The following PAPOLA variants were observed in gnomAD, a reference collection of about 807,000 sequenced individuals.
The protein encoded by PAPOLA is polynucleotide adenylyltransferase alpha.
Under a neutral mutation model 100.6 loss-of-function variants are expected in PAPOLA, and 15 were observed. That is an observed-to-expected ratio of 0.15 (90% CI 0.10 to 0.23). The LOEUF is 0.23. Ranked by LOEUF, PAPOLA falls within the 10% of genes least tolerant of loss-of-function variation. The pLI is 1.00. For synonymous variants in PAPOLA, 293 were observed against 300.0 expected (o/e 0.98, Z 0.24); for missense variants, 533 against 884.2 (o/e 0.60, Z 5.04).
chr14:96,507,152 T>G (rs2140221041), intron 1 of PAPOLA, among the ~76,000 whole-genome samples: 1 of 152,320 alleles, frequency 6.6e-6, no homozygotes, highest in African/African-American at 2.4e-5. Flanking sequence ...CTAGAACAAT[T>G]TATTGCAACA....
rs764874250 is a variant in PAPOLA, at chr14:96,528,012, G to C, written c.495+6G>C. On this transcript the variant is annotated splice_donor_region_variant and intron_variant, in intron 6 of 21. Transcript: ENST00000216277. ...TCTGTTTTGATGGGATAGAGGTAAG[G>C]TATAGTTCAAATTGACAGTTCTTGC... 3 of 1,580,512 alleles carry C rather than the reference G, an allele frequency of 1.9e-6. No individual in the cohort carries two copies. The highest frequency in any genetic ancestry group is 2.6e-6 in the Non-Finnish European group (3 of 1,149,628).
At chr14:96,511,901 G>A (rs753800435) in intron 1 of PAPOLA, among the ~76,000 whole-genome samples, 12 of 152,190 alleles carry the variant, frequency 7.9e-5, no homozygotes, top group Non-Finnish European at 1.8e-4. Context: ...TAGCCACAGA[G>A]TATTGCACTA....
At chr14:96,534,001 TGG>T in intron 9 of PAPOLA, 2 of 986,706 alleles carry the variant, frequency 2.0e-6, no homozygotes, top group Non-Finnish European at 2.4e-6. Flanking sequence ...TATGAAAATG[TGG>T]TTATGCCACC....
Position 96,502,764 on chromosome 14 carries a change from G to C in PAPOLA, c.8+164G>C, listed in dbSNP as rs961303085. 6.3e-6 allele frequency: 4 copies of C among 636,710 alleles called. No individual in the cohort carries two copies. In the African/African-American group the frequency reaches 1.7e-4, roughly 27 times the overall value. 39.4% of individuals were successfully genotyped at this position (636,710 alleles called of 1,614,324 possible). On this transcript the variant is annotated intron_variant, in intron 1 of 21. Transcript: ENST00000216277. ...CTTCCTGTTTCCTCGCTCGCTCGCC[G>C]CCGCACTTCCCCCCGTGTGCTGGGT...
intron 7 of PAPOLA, chr14:96,532,023 TCCG>T (rs1899061468): frequency 1.9e-5 from 24 of 1,251,782 alleles, no homozygotes; most frequent in Non-Finnish European, 2.2e-5. Flanking sequence ...GATTAAGTCT[TCCG>T]CAGTATATGT....
chr14:96,539,384 A>G (rs932878821), intron 12 of PAPOLA, among the ~76,000 whole-genome samples: 5 of 152,118 alleles, frequency 3.3e-5, no homozygotes, highest in African/African-American at 1.2e-4. Flanking sequence ...TTTATTGTAC[A>G]TCTGAGTTAT....
chr14:96,565,307 T>G lies in PAPOLA; in HGVS notation c.*257T>G, dbSNP rs1902185952. 5.2e-6 allele frequency: 2 copies of G among 387,354 alleles called. No individual in the cohort carries two copies. Among genetic ancestry groups the G allele is most frequent in the African/African-American group, 2.0e-5 (1 of 50,102 alleles). 24.0% of individuals were successfully genotyped at this position (387,354 alleles called of 1,614,324 possible). ...ATTACTGCCTTTAAAAAAAACAACC[T>G]CAAGCTATATTTGTATTCATAATTG... On this transcript the variant is annotated 3_prime_UTR_variant, in exon 22 of 22. Transcript: ENST00000216277.
At chr14:96,514,996 CA>C (rs1897355683) in intron 1 of PAPOLA, among the ~76,000 whole-genome samples, 1 of 63,310 alleles carries the variant, frequency 1.6e-5, no homozygotes, top group Non-Finnish European at 2.7e-5. Context: ...CCAGAAGTCA[CA>C]GTTTTTTTAG....
intron 18 of PAPOLA, 71 bp from the exon 19 acceptor site, chr14:96,556,104 A>C: frequency 7.4e-7 from 1 of 1,342,432 alleles, no homozygotes; most frequent in Non-Finnish European, 1.1e-6. Context: ...AAATTCAGAG[A>C]AACAAAAACT....
intron 1 of PAPOLA, among the ~76,000 whole-genome samples, chr14:96,514,469 C>G (rs1897313098): frequency 6.6e-6 from 1 of 152,174 alleles, no homozygotes; most frequent in Admixed American, 6.5e-5. Context: ...GCGTGTGCCA[C>G]CACGCCCAGC....
intron 1 of PAPOLA, among the ~76,000 whole-genome samples, chr14:96,507,757 G>T (rs1462363095): frequency 6.6e-6 from 1 of 151,898 alleles, no homozygotes; most frequent in Non-Finnish European, 1.5e-5. Flanking sequence ...CTCGTAAAGG[G>T]GTCCTGAGAC....
In PAPOLA at chr14:96,524,561, G is replaced by A. The variant is rs577039016; in HGVS notation, c.250-749G>A. ...TTTTTTGAGACAGGGTCTGACTGTC[G>A]CCCAGGCTAGAGTGCAGTGGCGTGA... On this transcript the variant is annotated intron_variant, in intron 3 of 21. Coordinates refer to ENST00000216277, the MANE Select transcript of PAPOLA (RefSeq NM_032632.5). 4.0e-5 allele frequency among the ~76,000 whole-genome samples: 6 copies of A among 149,460 alleles called. No individual in the cohort carries two copies. In the South Asian group the frequency reaches 6.3e-4, roughly 16 times the overall value.
At chr14:96,527,932 A>G (rs1004629247) in intron 5 of PAPOLA, 21 bp from the exon 6 acceptor site, 4 of 1,581,778 alleles carry the variant, frequency 2.5e-6, no homozygotes, top group Admixed American at 1.7e-5. Context: ...GAGACCCTGA[A>G]CTTGTTTACT....
chr14:96,547,923 AT>A lies in PAPOLA; in HGVS notation c.1521+8del. On this transcript the variant is annotated splice_donor_region_variant and intron_variant, in intron 16 of 21. Coordinates refer to ENST00000216277, the MANE Select transcript of PAPOLA (RefSeq NM_032632.5). ...GTGCTTCAGAAAAAGAAAAAGGTAA[AT>A]TTAGAAAGTACTTACAAAAGCATTA... 6.3e-7 allele frequency: 1 copy of A among 1,597,954 alleles called. No individual in the cohort carries two copies. Among genetic ancestry groups the A allele is most frequent in the Non-Finnish European group, 8.5e-7 (1 of 1,173,260 alleles).
At chr14:96,520,286 C>G in intron 2 of PAPOLA, 58 bp downstream of exon 2, 3 of 1,362,728 alleles carry the variant, frequency 2.2e-6, no homozygotes. Context: ...TTGACATAAA[C>G]TAATTTTGAG....
chr14:96,560,732 G>A (rs756377023), intron 20 of PAPOLA, 21 bp downstream of exon 20: 1 of 1,398,128 alleles, frequency 7.2e-7, no homozygotes, highest in Admixed American at 1.7e-5. Flanking sequence ...TTAGCCTTTA[G>A]AATACATACA....
intron 12 of PAPOLA, among the ~76,000 whole-genome samples, chr14:96,540,621 A>T (rs1034465133): frequency 2.6e-5 from 4 of 152,134 alleles, no homozygotes; most frequent in Non-Finnish European, 4.4e-5. Context: ...CATGTATTTG[A>T]CATATTCCAA....
rs1440339783 is a variant in PAPOLA, at chr14:96,532,482, T to G, written c.698-29T>G. ...GTTCAAACTTTTGTTCAACACTAAC[T>G]TATCTTTTTGCTTTTCCCTTATCAA... On this transcript the variant is annotated intron_variant, in intron 8 of 21. Transcript: ENST00000216277. 3.1e-6 allele frequency: 5 copies of G among 1,606,194 alleles called. No individual in the cohort carries two copies. In the African/African-American group the frequency reaches 5.4e-5, roughly 17 times the overall value.
rs2140304553 is a variant in PAPOLA, at chr14:96,542,908, A to G, written c.1289+15A>G. The G allele has an allele frequency of 3.1e-6, 5 of 1,608,448 alleles. No homozygotes were observed. The highest frequency in any genetic ancestry group is 3.4e-6 in the Non-Finnish European group (4 of 1,178,560). ...AATCCCGACAAGTAAGCCCTTTTCT[A>G]ATTTAATTTCTTCTTCCCATTTCCA... On this transcript the variant is annotated intron_variant, in intron 14 of 21. Transcript: ENST00000216277.
Sources: allele counts gnomAD v4.1 joint callset (sites outside exome capture counted in the v4.1 genomes callset), GRCh38; gene constraint gnomAD v4.1.1; transcripts MANE v1.5; gene names NCBI Gene and HGNC (gene_info 2026-07-23, HGNC 2026-07-21).